The following RPS6KA5 variants were observed in gnomAD, a reference collection of about 807,000 sequenced individuals.
The protein encoded by RPS6KA5 is ribosomal protein S6 kinase alpha-5.
RPS6KA5 carries 27 observed loss-of-function variants against 85.5 expected under a neutral mutation model. That is an observed-to-expected ratio of 0.32 (90% CI 0.23 to 0.44). RPS6KA5 has a LOEUF of 0.44. Ranked by LOEUF, RPS6KA5 falls within the 20% of genes least tolerant of loss-of-function variation. The pLI is 1.00. For synonymous variants in RPS6KA5, 334 were observed against 348.2 expected (o/e 0.96, Z 0.46); for missense variants, 811 against 980.9 (o/e 0.83, Z 2.31).
intron 5 of RPS6KA5, among the ~76,000 whole-genome samples, chr14:90,937,541 G>A (rs1377419484): frequency 6.6e-6 from 1 of 152,142 alleles, no homozygotes; most frequent in African/African-American, 2.4e-5. Context: ...AAGGCAGGCA[G>A]AGTGTATCAG....
chr14:90,995,406 C>T (rs78868471), intron 2 of RPS6KA5, among the ~76,000 whole-genome samples: 1,577 of 152,278 alleles, frequency 0.01, 22 homozygotes, highest in African/African-American at 0.036. Context: ...TTCCTTCACC[C>T]GAAGCCAATG....
In RPS6KA5 at chr14:90,871,406, C is replaced by A. The variant is rs2033101570; in HGVS notation, c.*668G>T. On this transcript the variant is annotated 3_prime_UTR_variant, in exon 17 of 17. Transcript: ENST00000614987. ...AACAAATTGCCAGGAAAGAGCAGTG[C>A]AAAATTAAAAACATACACATAGCTT... The A allele has an allele frequency of 1.3e-5, 2 of 151,514 alleles. No homozygotes were observed. The highest frequency in any genetic ancestry group is 6.6e-5 in the Admixed American group (1 of 15,184). The allele number at this position is 151,514 out of a possible 1,614,324, so 9.4% of individuals were successfully genotyped here.
At chr14:91,034,362 G>C (rs1281139542) in intron 1 of RPS6KA5, among the ~76,000 whole-genome samples, 1 of 151,832 alleles carries the variant, frequency 6.6e-6, no homozygotes, top group Non-Finnish European at 1.5e-5. Flanking sequence ...ATTCATAGCT[G>C]TCTGAGGTGA....
intron 3 of RPS6KA5, among the ~76,000 whole-genome samples, chr14:90,951,510 A>T (rs2038187884): frequency 1.3e-5 from 2 of 152,102 alleles, no homozygotes; most frequent in Admixed American, 6.6e-5. Flanking sequence ...AACCTGTAGG[A>T]AAACCATGTC....
At chr14:91,033,345 T>C (rs1039143428) in intron 1 of RPS6KA5, among the ~76,000 whole-genome samples, 5 of 152,174 alleles carry the variant, frequency 3.3e-5, no homozygotes, top group African/African-American at 1.2e-4. Context: ...CCGGGCACTG[T>C]GGCTCACACC....
At position 90,852,902 on chromosome 14, in the gene RPS6KA5, G is replaced by A. The variant is rs1162096779; in HGVS notation, c.*19172C>T. The A allele has an allele frequency of 6.6e-6, 1 of 151,690 alleles. No individual in the cohort carries two copies. The highest frequency in any genetic ancestry group is 1.5e-5 in the Non-Finnish European group (1 of 68,036). 9.4% of individuals were successfully genotyped at this position (151,690 alleles called of 1,614,324 possible). ...CTGCCACCACGCCCGGCTAATTTTT[G>A]TTGTATTTTTAGTAGAGACAGGGTT... On this transcript the variant is annotated 3_prime_UTR_variant, in exon 17 of 17. Coordinates refer to ENST00000614987, the MANE Select transcript of RPS6KA5 (RefSeq NM_004755.4).
At chr14:91,006,055 T>G (rs532342165) in intron 1 of RPS6KA5, among the ~76,000 whole-genome samples, 1 of 152,336 alleles carries the variant, frequency 6.6e-6, no homozygotes, top group East Asian at 1.9e-4. Context: ...AAAGGACTTT[T>G]GCTCCTTTTC....
At chr14:90,886,728 C>T (rs1358787938) in intron 14 of RPS6KA5, among the ~76,000 whole-genome samples, 1 of 152,202 alleles carries the variant, frequency 6.6e-6, no homozygotes, top group African/African-American at 2.4e-5. Flanking sequence ...TTCTGTTGTT[C>T]AAGCTGCCTA....
chr14:90,923,207 C>G lies in RPS6KA5; in HGVS notation c.619-11G>C. ...ATATGCTCTTTCAGTCTTGAACAAACAAACAAAAAAGGGATTTGATTTCAA... is the reference window on the plus strand; with the variant it reads ...ATATGCTCTTTCAGTCTTGAACAAAGAAACAAAAAAGGGATTTGATTTCAA... On this transcript the variant is annotated splice_polypyrimidine_tract_variant and intron_variant, in intron 5 of 16. Coordinates refer to ENST00000614987, the MANE Select transcript of RPS6KA5 (RefSeq NM_004755.4). The G allele has an allele frequency of 6.3e-7, 1 of 1,599,266 alleles. No homozygotes were observed. Among genetic ancestry groups the G allele is most frequent in the Non-Finnish European group, 8.6e-7 (1 of 1,168,750 alleles).
At chr14:91,058,500 G>A (rs528792449) in intron 1 of RPS6KA5, among the ~76,000 whole-genome samples, 1 of 152,358 alleles carries the variant, frequency 6.6e-6, no homozygotes, top group Admixed American at 6.5e-5. Context: ...CGATGGCTGA[G>A]AAGCATATGA....
At position 90,876,396 on chromosome 14, in the gene RPS6KA5, G is replaced by C. The variant is rs376639124; in HGVS notation, c.1837-1036C>G. 4.3e-4 allele frequency among the ~76,000 whole-genome samples: 66 copies of C among 152,046 alleles called. No individual in the cohort carries two copies. The Middle Eastern group carries it at 0.014, about 31-fold the overall frequency. ...CTGTTTTTATTTTATTTTTCTCACT[G>C]TTGTCTTAAATACAGTGAATTATCT... On this transcript the variant is annotated intron_variant, in intron 14 of 16. Transcript: ENST00000614987.
At chr14:91,010,222 A>G (rs1200530616) in intron 1 of RPS6KA5, among the ~76,000 whole-genome samples, 4 of 152,242 alleles carry the variant, frequency 2.6e-5, no homozygotes, top group Non-Finnish European at 5.9e-5. Flanking sequence ...TAAAACAGTC[A>G]AAACAGAATG....
At position 90,867,865 on chromosome 14, in the gene RPS6KA5, C is replaced by T. The variant is rs1022333194; in HGVS notation, c.*4209G>A. On this transcript the variant is annotated 3_prime_UTR_variant, in exon 17 of 17. Transcript: ENST00000614987. Reference sequence around the variant, plus strand: ...TCACAAATTCATGAAACAGGGTGGACAACAGCCTTGTGTAGGGGAAGCATT... The same window carrying T: ...TCACAAATTCATGAAACAGGGTGGATAACAGCCTTGTGTAGGGGAAGCATT... 2 of 152,140 alleles carry T rather than the reference C, an allele frequency of 1.3e-5. No individual in the cohort carries two copies. The highest frequency in any genetic ancestry group is 2.9e-5 in the Non-Finnish European group (2 of 68,018). The allele number at this position is 152,140 out of a possible 1,614,324, so 9.4% of individuals were successfully genotyped here. A position where few individuals can be genotyped will look rare whatever the true frequency, so the allele number is the denominator to read the frequency against.
intron 12 of RPS6KA5, among the ~76,000 whole-genome samples, chr14:90,898,220 T>C (rs2034949720): frequency 6.6e-6 from 1 of 152,226 alleles, no homozygotes; most frequent in South Asian, 2.1e-4. Context: ...TTAACTTCTA[T>C]GAGTGTCCAT....
At chr14:90,957,221 T>G (rs1338142243) in intron 3 of RPS6KA5, among the ~76,000 whole-genome samples, 1 of 152,040 alleles carries the variant, frequency 6.6e-6, no homozygotes, top group East Asian at 1.9e-4. Context: ...CACACCACCA[T>G]GCCTGGGTAA....
intron 1 of RPS6KA5, 170 bp downstream of exon 1, chr14:91,060,162 C>T (rs2043585972): frequency 2.0e-6 from 2 of 980,636 alleles, no homozygotes; most frequent in Non-Finnish European, 2.4e-6. Flanking sequence ...AGGCGCGCCC[C>T]CACCTCCCGG....
At chr14:90,967,611 A>G (rs2039132861) in intron 3 of RPS6KA5, among the ~76,000 whole-genome samples, 1 of 152,240 alleles carries the variant, frequency 6.6e-6, no homozygotes. Context: ...ATTACTTAGT[A>G]TTAAGCTAAA....
chr14:90,982,633 T>A (rs1209366578), intron 2 of RPS6KA5, among the ~76,000 whole-genome samples: 4 of 152,244 alleles, frequency 2.6e-5, no homozygotes, highest in African/African-American at 9.6e-5. Context: ...CCGCTGTTAA[T>A]CTTATCAACT....
At chr14:90,979,910 T>C (rs117595126) in intron 2 of RPS6KA5, among the ~76,000 whole-genome samples, 3,227 of 152,332 alleles carry the variant, frequency 0.021, 47 homozygotes, top group Middle Eastern at 0.044. Context: ...GACCACACTC[T>C]GAACCATAAA....
Sources: allele counts gnomAD v4.1 joint callset (sites outside exome capture counted in the v4.1 genomes callset), GRCh38; gene constraint gnomAD v4.1.1; transcripts MANE v1.5; gene names NCBI Gene and HGNC (gene_info 2026-07-23, HGNC 2026-07-21).